The following REDIC1 variants were observed in gnomAD, a reference collection of about 807,000 sequenced individuals.
REDIC1 encodes HEI10 Interacting Protein 1.
chr12:39,846,807 T>A, the REDIC1 span, among the ~76,000 whole-genome samples: 1 of 152,126 alleles, frequency 6.6e-6, no homozygotes, highest in Non-Finnish European at 1.5e-5. Context: ...AATAATAGCA[T>A]CTATCTCAGT....
chr12:39,775,098 T>C, the REDIC1 span, among the ~76,000 whole-genome samples: 1 of 152,242 alleles, frequency 6.6e-6, no homozygotes, highest in African/African-American at 2.4e-5. Flanking sequence ...TGCTTCAAGA[T>C]GTACTTTTCT....
At chr12:39,838,622 T>TA in the REDIC1 span, among the ~76,000 whole-genome samples, 1 of 151,334 alleles carries the variant, frequency 6.6e-6, no homozygotes, top group African/African-American at 2.4e-5. Context: ...CCAATTAAAG[T>TA]AAAAAAGAGC....
At chr12:39,749,925 A>G in the REDIC1 span, among the ~76,000 whole-genome samples, 2,412 of 152,312 alleles carry the variant, frequency 0.016, 60 homozygotes, top group African/African-American at 0.054. Flanking sequence ...TCTCAAAATC[A>G]TGAGAGCTAT....
the REDIC1 span, among the ~76,000 whole-genome samples, chr12:39,733,674 C>A: frequency 3.9e-3 from 589 of 152,294 alleles, 4 homozygotes; most frequent in African/African-American, 0.013. Context: ...CTGCCCAGTT[C>A]AAACTTTCCT....
the REDIC1 span, among the ~76,000 whole-genome samples, chr12:39,674,759 A>G: frequency 6.6e-6 from 1 of 152,308 alleles, no homozygotes; most frequent in Admixed American, 6.5e-5. Context: ...GCTTGAGCCC[A>G]GGGAAGCCAT....
the REDIC1 span, among the ~76,000 whole-genome samples, chr12:39,814,575 A>G: frequency 1.3e-5 from 2 of 152,084 alleles, no homozygotes; most frequent in African/African-American, 4.8e-5. Flanking sequence ...AAAAAAAGGA[A>G]CTCCTCTTTT....
chr12:39,772,808 G>A, the REDIC1 span, among the ~76,000 whole-genome samples: 1 of 152,112 alleles, frequency 6.6e-6, no homozygotes, highest in Admixed American at 6.5e-5. Context: ...TGCTTGCCCT[G>A]ATGAAGCTTT....
the REDIC1 span, among the ~76,000 whole-genome samples, chr12:39,705,408 A>G: frequency 1.3e-5 from 2 of 152,090 alleles, no homozygotes; most frequent in East Asian, 3.8e-4. Context: ...TACCAGTCCT[A>G]CTAAAAATAT....
the REDIC1 span, chr12:39,760,330 C>G: frequency 6.0e-6 from 8 of 1,331,188 alleles, no homozygotes; most frequent in East Asian, 2.5e-5. Context: ...TTGATTTTGA[C>G]TTTTTTTTTC....
At chr12:39,685,947 A>G in the REDIC1 span, among the ~76,000 whole-genome samples, 1 of 152,224 alleles carries the variant, frequency 6.6e-6, no homozygotes, top group Non-Finnish European at 1.5e-5. Flanking sequence ...TAAAGCTCCA[A>G]AATAATCTCC....
At chr12:39,712,436 ACG>A in the REDIC1 span, among the ~76,000 whole-genome samples, 3 of 98,622 alleles carry the variant, frequency 3.0e-5, no homozygotes, top group African/African-American at 1.0e-4. Context: ...ATATATACAT[ACG>A]TATATGTATA....
chr12:39,831,573 GT>G, the REDIC1 span, among the ~76,000 whole-genome samples: 1 of 152,070 alleles, frequency 6.6e-6, no homozygotes. Flanking sequence ...TGGTGATAGG[GT>G]TTTTATGTTG....
the REDIC1 span, among the ~76,000 whole-genome samples, chr12:39,787,131 A>C: frequency 1.3e-5 from 2 of 152,144 alleles, no homozygotes; most frequent in Non-Finnish European, 2.9e-5. Context: ...ATTTAGATGG[A>C]TTTCGGTATA....
chr12:39,861,669 GA>G, the REDIC1 span, among the ~76,000 whole-genome samples: 4 of 152,020 alleles, frequency 2.6e-5, no homozygotes, highest in African/African-American at 7.2e-5. Context: ...TTATGGGTGT[GA>G]AAAAAAGAAA....
chr12:39,887,507 G>C, the REDIC1 span, among the ~76,000 whole-genome samples: 39 of 152,140 alleles, frequency 2.6e-4, no homozygotes, highest in African/African-American at 9.2e-4. Flanking sequence ...AGAAAAAAGG[G>C]GATAAAAAAG....
chr12:39,647,739 T>A, the REDIC1 span: 5 of 1,247,586 alleles, frequency 4.0e-6, no homozygotes, highest in Non-Finnish European at 5.4e-6. Flanking sequence ...ACTTTCCTCT[T>A]CTCTAGTTTA....
the REDIC1 span, among the ~76,000 whole-genome samples, chr12:39,689,080 G>T: frequency 6.6e-6 from 1 of 152,186 alleles, no homozygotes; most frequent in African/African-American, 2.4e-5. Flanking sequence ...TGGCCATATG[G>T]CTAGATCTCA....
chr12:39,812,996 A>ATTTTTTTATTTTTTTTTTTTTTTTTT, the REDIC1 span, among the ~76,000 whole-genome samples: 1 of 40,602 alleles, frequency 2.5e-5, no homozygotes, highest in Non-Finnish European at 4.2e-5. Context: ...TGCCCAGCTA[A>ATTTTTTTATTTTTTTTTTTTTTTTTT]TTTTTTTTTT....
At chr12:39,886,047 T>C in the REDIC1 span, among the ~76,000 whole-genome samples, 2 of 152,212 alleles carry the variant, frequency 1.3e-5, no homozygotes, top group African/African-American at 4.8e-5. Flanking sequence ...CTTCTTCATG[T>C]GTTTAAGCCC....
Sources: allele counts gnomAD v4.1 joint callset (sites outside exome capture counted in the v4.1 genomes callset), GRCh38; gene constraint gnomAD v4.1.1; transcripts MANE v1.5; gene names NCBI Gene and HGNC (gene_info 2026-07-23, HGNC 2026-07-21).